Variants in PIK3C2G observed in about 807,000 individuals in gnomAD.
PIK3C2G encodes phosphatidylinositol 3-kinase C2 domain-containing subunit gamma.
In PIK3C2G, 168 loss-of-function variants were observed where a neutral mutation model predicts 181.1. That is an observed-to-expected ratio of 0.93 (90% CI 0.82 to 1.05). PIK3C2G has a LOEUF of 1.05. Among genes scored for constraint, PIK3C2G ranks in the 50% least tolerant of loss-of-function variants. The pLI is 0.00. For missense variants in PIK3C2G, 1,869 were observed against 1,732.8 expected, an observed-to-expected ratio of 1.08 and a Z score of -1.40; for synonymous variants, 573 against 592.2, an observed-to-expected ratio of 0.97 and a Z score of 0.47.
intron 26 of PIK3C2G, among the ~76,000 whole-genome samples, chr12:18,561,865 TTAAG>T (rs1433105314): frequency 6.6e-6 from 1 of 151,872 alleles, no homozygotes; most frequent in Non-Finnish European, 1.5e-5. Context: ...AATATAGTAT[TTAAG>T]TATGCTACCT....
the PIK3C2G span, among the ~76,000 whole-genome samples, chr12:18,709,778 T>C: frequency 6.6e-6 from 1 of 152,124 alleles, no homozygotes; most frequent in African/African-American, 2.4e-5. Context: ...TATTATTTTA[T>C]ATCTTCTGAT....
chr12:18,657,854 G>A, the PIK3C2G span, among the ~76,000 whole-genome samples: 2 of 152,010 alleles, frequency 1.3e-5, no homozygotes, highest in African/African-American at 4.8e-5. Flanking sequence ...TTATCCCTAA[G>A]GAAGCTCATC....
At chr12:18,330,512 A>C (rs1489160592) in intron 8 of PIK3C2G, among the ~76,000 whole-genome samples, 1 of 152,056 alleles carries the variant, frequency 6.6e-6, no homozygotes, top group African/African-American at 2.4e-5. Context: ...TATTTCCTTC[A>C]GTTTTTAATT....
chr12:18,667,017 A>T, the PIK3C2G span, among the ~76,000 whole-genome samples: 1 of 152,316 alleles, frequency 6.6e-6, no homozygotes, highest in Middle Eastern at 3.4e-3. Context: ...CCGTTTCTCA[A>T]TAATGGTGTA....
At chr12:18,701,353 C>T in the PIK3C2G span, 17 of 1,404,366 alleles carry the variant, frequency 1.2e-5, no homozygotes, top group East Asian at 2.5e-5. Context: ...CTTCCACCAT[C>T]GATGTTTTCA....
intron 24 of PIK3C2G, among the ~76,000 whole-genome samples, chr12:18,527,829 A>C (rs1394114126): frequency 3.9e-5 from 6 of 152,176 alleles, no homozygotes; most frequent in Admixed American, 3.9e-4. Flanking sequence ...CACCCTTATC[A>C]AATAAGAGAG....
upstream of PIK3C2G, among the ~76,000 whole-genome samples, chr12:18,244,475 G>T (rs1028240955): frequency 6.6e-6 from 1 of 151,936 alleles, no homozygotes; most frequent in Admixed American, 6.6e-5. Flanking sequence ...CCGTACTTTT[G>T]GTAGAATTCT....
chr12:18,549,586 T>G (rs565944037), intron 26 of PIK3C2G, among the ~76,000 whole-genome samples: 2 of 152,152 alleles, frequency 1.3e-5, no homozygotes, highest in African/African-American at 4.8e-5. Context: ...ACCTCTTCCA[T>G]ATGTGGGCTC....
intron 9 of PIK3C2G, among the ~76,000 whole-genome samples, chr12:18,340,633 A>G (rs1343866259): frequency 6.6e-6 from 1 of 152,198 alleles, no homozygotes; most frequent in Non-Finnish European, 1.5e-5. Context: ...TACATGAGAT[A>G]AGATAATGCA....
the PIK3C2G span, chr12:18,693,027 C>G: frequency 1.4e-6 from 2 of 1,436,836 alleles, no homozygotes. Context: ...AAATCAGGAA[C>G]AAATGAAACC....
chr12:18,309,362 A>G (rs956643605), intron 5 of PIK3C2G, among the ~76,000 whole-genome samples: 4 of 151,820 alleles, frequency 2.6e-5, no homozygotes, highest in East Asian at 1.9e-4. Flanking sequence ...AGAAAAGTCT[A>G]TAAGTATTGG....
At chr12:18,618,162 C>G (rs761892270) in intron 31 of PIK3C2G, among the ~76,000 whole-genome samples, 7 of 151,824 alleles carry the variant, frequency 4.6e-5, no homozygotes, top group Non-Finnish European at 2.9e-5. Context: ...AGGGTGGACC[C>G]TAGTTGCAGA....
intron 18 of PIK3C2G, among the ~76,000 whole-genome samples, chr12:18,471,246 C>T (rs1364354820): frequency 3.3e-5 from 5 of 152,106 alleles, no homozygotes; most frequent in African/African-American, 1.2e-4. Context: ...ACAATTACTG[C>T]TAGGGACCTT....
chr12:18,512,670 C>G, intron 24 of PIK3C2G, among the ~76,000 whole-genome samples: 1 of 151,810 alleles, frequency 6.6e-6, no homozygotes, highest in East Asian at 1.9e-4. Context: ...TTAGTGAATT[C>G]CTTTATCAGT....
At chr12:18,500,469 G>A (rs990190817) in intron 22 of PIK3C2G, among the ~76,000 whole-genome samples, 6 of 152,178 alleles carry the variant, frequency 3.9e-5, no homozygotes, top group South Asian at 2.1e-4. Context: ...TCCCCTACGA[G>A]CGCGGCCCCC....
At chr12:18,572,477 GTAATCTGCTGATATATATAAATA>G (rs1946006282) in intron 29 of PIK3C2G, among the ~76,000 whole-genome samples, 1 of 150,436 alleles carries the variant, frequency 6.6e-6, no homozygotes, top group East Asian at 1.9e-4. Context: ...ATATATAAAT[GTAATCTGCTGATATATATAAATA>G]TAATCTGCTG....
intron 12 of PIK3C2G, among the ~76,000 whole-genome samples, chr12:18,365,283 A>G (rs1445241400): frequency 1.3e-5 from 2 of 152,228 alleles, no homozygotes; most frequent in East Asian, 1.9e-4. Flanking sequence ...GAAATAAAAT[A>G]ACAACCTCTA....
At chr12:18,495,834 CA>C (rs1456823627) in intron 20 of PIK3C2G, among the ~76,000 whole-genome samples, 1 of 152,088 alleles carries the variant, frequency 6.6e-6, no homozygotes, top group African/African-American at 2.4e-5. Flanking sequence ...TGTAATCTGT[CA>C]AAAAGCTGGC....
At chr12:18,571,302 A>C (rs1349336122) in intron 29 of PIK3C2G, among the ~76,000 whole-genome samples, 1 of 150,690 alleles carries the variant, frequency 6.6e-6, no homozygotes, top group Non-Finnish European at 1.5e-5. Flanking sequence ...TATGATCCTA[A>C]ATATGGGCAA....
Sources: gnomAD v4.1 joint callset for allele counts (sites outside exome capture counted in the v4.1 genomes callset) on GRCh38, gnomAD v4.1.1 for gene constraint, MANE v1.5 for transcripts, NCBI Gene and HGNC (gene_info 2026-07-23, HGNC 2026-07-21) for gene names.